SLC52A3: variants seen among roughly 807,000 people sequenced by gnomAD.
SLC52A3 encodes the protein solute carrier family 52 member 3, also known as solute carrier family 52, riboflavin transporter, member 3.
SLC52A3 carries 20 observed loss-of-function variants against 29.5 expected under a neutral mutation model. The ratio of observed to expected loss-of-function variants is 0.68; its 90% CI spans 0.48 to 0.99. SLC52A3 has a LOEUF of 0.99. Among genes scored for constraint, SLC52A3 ranks in the 50% least tolerant of loss-of-function variants. The pLI is 0.00. For missense variants in SLC52A3, 548 were observed against 612.9 expected (o/e 0.89, Z 1.12); for synonymous variants, 301 against 271.0 (o/e 1.11, Z -1.09).
In SLC52A3 at chr20:768,419, A is replaced by G. The variant is rs1198884368; in HGVS notation, c.-174T>C. On this transcript the variant is annotated 5_prime_UTR_variant, in exon 1 of 5. Coordinates refer to ENST00000645534, the MANE Select transcript of SLC52A3 (RefSeq NM_033409.4). ...CTGGGATCTGGACTGGATCCTCTGC[A>G]GCAAGCGGCCTGTCCGGGACTCCTC... is the stretch of plus-strand genomic sequence containing the variant. The G allele has an allele frequency of 3.3e-5, 5 of 152,242 alleles. No individual in the cohort carries two copies. Among genetic ancestry groups the G allele is most frequent in the African/African-American group, 4.8e-5 (2 of 41,432 alleles). 9.4% of individuals were successfully genotyped at this position (152,242 alleles called of 1,614,324 possible).
chr20:764,700 A>G (rs903171763), intron 2 of SLC52A3, among the ~76,000 whole-genome samples: 3 of 152,254 alleles, frequency 2.0e-5, no homozygotes, highest in Non-Finnish European at 4.4e-5. Context: ...GCTAAGGAGT[A>G]GCTCTGAAAA....
At chr20:764,539 G>GGGAGA (rs1555783842) in intron 2 of SLC52A3, among the ~76,000 whole-genome samples, 1 of 152,138 alleles carries the variant, frequency 6.6e-6, no homozygotes, top group Non-Finnish European at 1.5e-5. Context: ...CCCACCTAAG[G>GGGAGA]AAGAACACTG....
chr20:763,652 C>T lies in SLC52A3; in HGVS notation c.919G>A (p.Val307Met), dbSNP rs750559634. 6.2e-7 allele frequency: 1 copy of T among 1,614,030 alleles called. No individual in the cohort carries two copies. The highest frequency in any genetic ancestry group is 1.3e-5 in the African/African-American group (1 of 74,928). ...PAHLAFIYTLVAFVNALTNGM... is the reference protein window; with the variant it reads ...PAHLAFIYTLMAFVNALTNGM... ...TTGGTGAGCGCGTTGACGAAGGCCA[C>T]CAGGGTATAGATGAAGGCCAGGTGC... is the stretch of plus-strand genomic sequence containing the variant. The change falls in exon 3 of 5, where the codon GTG becomes ATG. Residue 307 changes from valine to methionine, a missense_variant. Coordinates refer to ENST00000645534, the MANE Select transcript of SLC52A3 (RefSeq NM_033409.4).
chr20:768,916 T>C (rs1203559711), upstream of SLC52A3, among the ~76,000 whole-genome samples: 1 of 152,188 alleles, frequency 6.6e-6, no homozygotes, highest in Non-Finnish European at 1.5e-5. Context: ...GCTGTCCACA[T>C]CCAAGCTTTC....
intron 1 of SLC52A3, among the ~76,000 whole-genome samples, chr20:767,556 C>T (rs957135892): frequency 2.6e-5 from 4 of 152,014 alleles, no homozygotes; most frequent in Admixed American, 6.6e-5. Context: ...GGGGTTTCTC[C>T]GTGTTAGCCA....
chr20:774,080 T>C (rs1986935469), intron 1 of SLC52A3, among the ~76,000 whole-genome samples: 1 of 152,210 alleles, frequency 6.6e-6, no homozygotes, highest in African/African-American at 2.4e-5. Context: ...GGGCTTGTCC[T>C]CTCCCCCAGT....
chr20:761,711 T>C lies in SLC52A3; in HGVS notation c.1187A>G (p.Glu396Gly). 1 of 1,613,786 alleles carries C rather than the reference T, an allele frequency of 6.2e-7. No individual in the cohort carries two copies. The highest frequency in any genetic ancestry group is 8.5e-7 in the Non-Finnish European group (1 of 1,179,966). ...CGGCCGGATACTCACAATGAGGACTTCCCCACCCCAGTGGCCCTGCAAGAG... is the reference window on the plus strand; with the variant it reads ...CGGCCGGATACTCACAATGAGGACTCCCCCACCCCAGTGGCCCTGCAAGAG... ...CPLLQGHWGG[E>G]VLIVASWVLF... is the part of the protein sequence containing the mutation. The change falls in exon 4 of 5, where the codon GAA (glutamate) becomes GGA (glycine). Residue 396 changes from glutamate to glycine, a missense_variant. Physicochemically the swap from Glu to Gly is moderately conservative, Grantham distance 98. Transcript: ENST00000645534.
At chr20:767,724 A>T (rs926762415) in intron 1 of SLC52A3, among the ~76,000 whole-genome samples, 1 of 152,176 alleles carries the variant, frequency 6.6e-6, no homozygotes, top group South Asian at 2.1e-4. Flanking sequence ...TGATGCAAAT[A>T]TATGGTTACC....
At position 760,876 on chromosome 20, in the gene SLC52A3, G is replaced by A. The variant is rs1056839029; in HGVS notation, c.*150C>T. ...AGAGCCGCACCTTGCATTTCCAGGT[G>A]CCATCTTCCCCACAGTCCCCAGTGG... On this transcript the variant is annotated 3_prime_UTR_variant, in exon 5 of 5. Transcript: ENST00000645534. This position sits in a 1 kb window ranked among gnomAD's most constrained non-coding sequence, Gnocchi z 4.9. 2 of 751,024 alleles carry A rather than the reference G, an allele frequency of 2.7e-6. No homozygotes were observed. Among genetic ancestry groups the A allele is most frequent in the East Asian group, 2.7e-5 (1 of 36,932 alleles). The allele number at this position is 751,024 out of a possible 1,614,324, so 46.5% of individuals were successfully genotyped here. A position where few individuals can be genotyped will look rare whatever the true frequency, so the allele number is the denominator to read the frequency against.
At chr20:775,950 C>G (rs1987007137) in intron 1 of SLC52A3, 1 of 152,684 alleles carries the variant, frequency 6.5e-6, no homozygotes, top group South Asian at 2.1e-4. Flanking sequence ...GCTTTGCCCA[C>G]TTACCTGCTG....
At position 761,703 on chromosome 20, in the gene SLC52A3, T is replaced by C. The variant is rs1986490652; in HGVS notation, c.1195A>G (p.Ile399Val). 6.2e-7 allele frequency: 1 copy of C among 1,613,742 alleles called. No homozygotes were observed. Among genetic ancestry groups the C allele is most frequent in the Non-Finnish European group, 8.5e-7 (1 of 1,179,930 alleles). Residue 399 changes from isoleucine to valine, a missense_variant and splice_region_variant, in exon 4 of 5, where the codon ATT becomes GTT. Ile to Val is a conservative substitution (Grantham distance 29). Transcript: ENST00000645534. ...LQGHWGGEVL[I>V]VASWVLFSGC... ...AGCCCCACCGGCCGGATACTCACAA[T>C]GAGGACTTCCCCACCCCAGTGGCCC...
At chr20:769,341 C>A (rs927886319), upstream of SLC52A3, among the ~76,000 whole-genome samples, 28 of 152,176 alleles carry the variant, frequency 1.8e-4, no homozygotes, top group Non-Finnish European at 5.9e-5. Flanking sequence ...CATCTTGGAG[C>A]TCTCCCCTGC....
chr20:770,830 CCT>C (rs1191080030), upstream of SLC52A3, among the ~76,000 whole-genome samples: 3 of 152,118 alleles, frequency 2.0e-5, no homozygotes, highest in Admixed American at 6.5e-5. This position sits in a 1 kb window ranked among gnomAD's most constrained non-coding sequence, Gnocchi z 4.5. Context: ...AGTGGGTATT[CCT>C]TCTGGCAAAC....
intron 1 of SLC52A3, among the ~76,000 whole-genome samples, chr20:767,654 C>T (rs1426541605): frequency 6.6e-6 from 1 of 152,104 alleles, no homozygotes; most frequent in African/African-American, 2.4e-5. Context: ...CGCTCCTGGC[C>T]CTGCCTCTGT....
upstream of SLC52A3, among the ~76,000 whole-genome samples, chr20:772,999 G>A (rs188211334): frequency 1.2e-4 from 18 of 152,354 alleles, no homozygotes; most frequent in East Asian, 3.9e-4. Context: ...CCGCAGCAGC[G>A]GGAGCCAGGT....
chr20:773,200 T>TTA (rs1226627655), upstream of SLC52A3, among the ~76,000 whole-genome samples: 1 of 151,636 alleles, frequency 6.6e-6, no homozygotes, highest in Non-Finnish European at 1.5e-5. Context: ...CTTCGGAGGG[T>TTA]TAGGAAGCTG....
At chr20:766,281 G>A (rs778336196) in intron 1 of SLC52A3, 36 of 155,140 alleles carry the variant, frequency 2.3e-4, no homozygotes, top group Admixed American at 1.1e-3. Context: ...TTTCCTAACC[G>A]TGATTCATGA....
chr20:761,295 G>C, intron 4 of SLC52A3, 57 bp from the exon 5 acceptor site: 1 of 1,489,214 alleles, frequency 6.7e-7, no homozygotes, highest in African/African-American at 1.4e-5. Flanking sequence ...GCGAGCGCCG[G>C]AGCAAAGAAC....
At chr20:774,633 G>C (rs1986956152) in intron 1 of SLC52A3, among the ~76,000 whole-genome samples, 1 of 152,194 alleles carries the variant, frequency 6.6e-6, no homozygotes, top group Admixed American at 6.5e-5. Context: ...AGGGAGGCAG[G>C]GAGGTGCCAG....
Sources: allele counts gnomAD v4.1 joint callset (sites outside exome capture counted in the v4.1 genomes callset), GRCh38; gene constraint gnomAD v4.1.1; non-coding constraint Gnocchi (gnomAD v3.1); transcripts MANE v1.5; gene names NCBI Gene and HGNC (gene_info 2026-07-23, HGNC 2026-07-21).